The following FBXW10B variants were observed in gnomAD, a reference collection of about 807,000 sequenced individuals.
FBXW10B encodes F-box and WD repeat domain containing 10B, also known as F-box and WD repeat domain containing protein 10B.
At chr17:15,571,439 C>T in the FBXW10B span, 2 of 151,906 alleles carry the variant, frequency 1.3e-5, no homozygotes, top group African/African-American at 4.8e-5. Context: ...CGTCAGTAAT[C>T]ATAGGGGAAA....
the FBXW10B span, among the ~76,000 whole-genome samples, chr17:15,571,322 G>A: frequency 6.6e-6 from 1 of 151,370 alleles, no homozygotes. Flanking sequence ...TCAAGTCTGG[G>A]TGACACAGCA....
chr17:15,590,537 G>C, the FBXW10B span, among the ~76,000 whole-genome samples: 1 of 147,492 alleles, frequency 6.8e-6, no homozygotes, highest in East Asian at 2.0e-4. Flanking sequence ...TGTTCATCCT[G>C]GTTTATAGTT....
chr17:15,579,781 A>T, the FBXW10B span, among the ~76,000 whole-genome samples: 5 of 152,272 alleles, frequency 3.3e-5, no homozygotes, highest in Non-Finnish European at 5.9e-5. Flanking sequence ...TTTAAATTAC[A>T]TTTATTAAGT....
the FBXW10B span, chr17:15,596,801 G>A: frequency 1.9e-3 from 2,141 of 1,149,052 alleles, 53 homozygotes; most frequent in South Asian, 0.031. Context: ...AGGACTTCCC[G>A]TGGCCTAGCA....
the FBXW10B span, among the ~76,000 whole-genome samples, chr17:15,595,361 G>T: frequency 1.3e-5 from 2 of 151,670 alleles, no homozygotes; most frequent in African/African-American, 2.4e-5. Flanking sequence ...AAGAAAAAAA[G>T]AAAAGAAAAA....
At chr17:15,565,563 G>C in the FBXW10B span, 1 of 1,613,546 alleles carries the variant, frequency 6.2e-7, no homozygotes, top group Non-Finnish European at 8.5e-7. Context: ...CAAGTTCAGG[G>C]GCCGCTGTTT....
At chr17:15,575,553 G>C in the FBXW10B span, among the ~76,000 whole-genome samples, 13 of 148,172 alleles carry the variant, frequency 8.8e-5, no homozygotes, top group African/African-American at 3.5e-4. Context: ...ATTCATCTCT[G>C]CTTTTCTCTG....
At chr17:15,619,656 T>C in the FBXW10B span, 1 of 1,496,362 alleles carries the variant, frequency 6.7e-7, no homozygotes, top group Non-Finnish European at 8.9e-7. Flanking sequence ...AGTAAATGGC[T>C]GCCATGGATG....
At chr17:15,587,212 G>A in the FBXW10B span, among the ~76,000 whole-genome samples, 1 of 150,964 alleles carries the variant, frequency 6.6e-6, no homozygotes, top group African/African-American at 2.5e-5. Context: ...AGGCAGAATG[G>A]ATTATTGAGG....
the FBXW10B span, chr17:15,618,963 C>T: frequency 6.3e-7 from 1 of 1,593,136 alleles, no homozygotes; most frequent in Admixed American, 1.8e-5. Context: ...GCCTTGCCTT[C>T]TGGTCTTCGG....
chr17:15,600,945 G>T, the FBXW10B span, among the ~76,000 whole-genome samples: 1 of 145,530 alleles, frequency 6.9e-6, no homozygotes, highest in Non-Finnish European at 1.5e-5. Context: ...CAGCTACTCG[G>T]GAGGCTGAGG....
the FBXW10B span, among the ~76,000 whole-genome samples, chr17:15,617,974 T>C: frequency 1.3e-5 from 2 of 152,208 alleles, no homozygotes; most frequent in African/African-American, 2.4e-5. Flanking sequence ...CCTAGGCCTG[T>C]GATTCTCAAA....
the FBXW10B span, among the ~76,000 whole-genome samples, chr17:15,569,892 T>C: frequency 6.6e-6 from 1 of 152,214 alleles, no homozygotes; most frequent in Non-Finnish European, 1.5e-5. Context: ...AAAAATGTGA[T>C]GTCATTTGCC....
the FBXW10B span, among the ~76,000 whole-genome samples, chr17:15,599,171 C>T: frequency 2.4e-5 from 2 of 82,078 alleles, no homozygotes; most frequent in Non-Finnish European, 2.2e-5. Flanking sequence ...GAGACTCTGT[C>T]TCAAAAAAAA....
At chr17:15,567,259 G>A in the FBXW10B span, among the ~76,000 whole-genome samples, 3 of 139,264 alleles carry the variant, frequency 2.2e-5, no homozygotes, top group Non-Finnish European at 3.2e-5. Flanking sequence ...GCAACAGAGC[G>A]AGACTCCATC....
chr17:15,594,287 A>C, the FBXW10B span, among the ~76,000 whole-genome samples: 1 of 151,996 alleles, frequency 6.6e-6, no homozygotes, highest in African/African-American at 2.4e-5. Context: ...CCTGGCTAAC[A>C]CCGTGAAACC....
At chr17:15,582,065 G>A in the FBXW10B span, among the ~76,000 whole-genome samples, 1 of 151,798 alleles carries the variant, frequency 6.6e-6, no homozygotes, top group African/African-American at 2.4e-5. Context: ...AATTATGAAA[G>A]GAGAAAACTC....
chr17:15,596,483 T>C, the FBXW10B span: 63 of 1,535,790 alleles, frequency 4.1e-5, no homozygotes, highest in East Asian at 1.4e-3. Flanking sequence ...CCCAGTGCCC[T>C]TTCCGCCAAG....
At chr17:15,586,542 A>G in the FBXW10B span, among the ~76,000 whole-genome samples, 1 of 151,754 alleles carries the variant, frequency 6.6e-6, no homozygotes, top group Non-Finnish European at 1.5e-5. Flanking sequence ...TTTGAAATCC[A>G]TGCATAGTCT....
Sources: allele counts gnomAD v4.1 joint callset (sites outside exome capture counted in the v4.1 genomes callset), GRCh38; gene constraint gnomAD v4.1.1; transcripts MANE v1.5; gene names NCBI Gene and HGNC (gene_info 2026-07-23, HGNC 2026-07-21).